NTM: variants seen among roughly 807,000 people sequenced by gnomAD.
NTM encodes neurotrimin, also known as IgLON family member 2.
In NTM, 13 loss-of-function variants were observed where a neutral mutation model predicts 42.1. That is an observed-to-expected ratio of 0.31 (90% CI 0.20 to 0.49). The LOEUF (loss-of-function observed/expected upper bound fraction) is 0.49, where lower values mean the gene tolerates loss of function less well. Among genes scored for constraint, NTM ranks in the 20% least tolerant of loss-of-function variants. The pLI is 0.99. For synonymous variants in NTM, 187 were observed against 179.2 expected (o/e 1.04, Z -0.35); for missense variants, 373 against 452.8 (o/e 0.82, Z 1.60).
At chr11:131,684,782 GCAAGATA>G (rs2073591653) in intron 1 of NTM, among the ~76,000 whole-genome samples, 1 of 152,236 alleles carries the variant, frequency 6.6e-6, no homozygotes, top group Admixed American at 6.5e-5. Flanking sequence ...GATGACCCGT[GCAAGATA>G]CAGGCTGGGC....
At chr11:131,761,377 C>T (rs1157564604) in intron 1 of NTM, among the ~76,000 whole-genome samples, 1 of 152,140 alleles carries the variant, frequency 6.6e-6, no homozygotes, top group African/African-American at 2.4e-5. Flanking sequence ...ATATCCCCCT[C>T]CCCAAATTCC....
At chr11:131,821,326 G>T (rs141518838) in intron 1 of NTM, among the ~76,000 whole-genome samples, 544 of 152,282 alleles carry the variant, frequency 3.6e-3, no homozygotes, top group African/African-American at 0.012. Flanking sequence ...GTCATGACCT[G>T]CTCTTTCTTG....
chr11:131,401,313 A>T (rs776680644), intron 1 of NTM, among the ~76,000 whole-genome samples: 6 of 152,088 alleles, frequency 3.9e-5, no homozygotes, highest in Non-Finnish European at 7.3e-5. Context: ...TTCATGGTAG[A>T]CTATTGGGAA....
chr11:132,176,633 G>A (rs996157623), intron 3 of NTM, among the ~76,000 whole-genome samples: 2 of 149,350 alleles, frequency 1.3e-5, no homozygotes, highest in African/African-American at 4.9e-5. Flanking sequence ...TGCTTGACAT[G>A]TGTTATTATA....
chr11:132,251,741 T>C (rs1407613976), intron 4 of NTM, among the ~76,000 whole-genome samples: 1 of 152,220 alleles, frequency 6.6e-6, no homozygotes, highest in Non-Finnish European at 1.5e-5. Context: ...CCTCGGTGTG[T>C]ATTTTGCTGG....
intron 1 of NTM, among the ~76,000 whole-genome samples, chr11:131,586,113 C>CT (rs141108452): frequency 0.063 from 9,453 of 151,114 alleles, 330 homozygotes; most frequent in South Asian, 0.11. Flanking sequence ...TTAGTTTTTC[C>CT]TTTTTTTTTG....
rs1433630321 is a variant in NTM at position 131,370,662 on chromosome 11, C to G, written c.-145C>G. On this transcript the variant is annotated 5_prime_UTR_variant, in exon 1 of 9. Coordinates refer to ENST00000683400, the MANE Select transcript of NTM (RefSeq NM_001352005.2). Reference sequence around the variant, plus strand: ...CGGAGAAGTCATACTCTCTCACACCCTCGGCTTTCTTGTTGTGTCCTTCAG... The same window carrying G: ...CGGAGAAGTCATACTCTCTCACACCGTCGGCTTTCTTGTTGTGTCCTTCAG... 5 of 659,536 alleles carry G rather than the reference C, an allele frequency of 7.6e-6. No individual in the cohort carries two copies. In the East Asian group the frequency reaches 1.1e-4, roughly 14 times the overall value. 40.9% of individuals were successfully genotyped at this position (659,536 alleles called of 1,614,324 possible). A position where few individuals can be genotyped will look rare whatever the true frequency, so the allele number is the denominator to read the frequency against.
intron 3 of NTM, among the ~76,000 whole-genome samples, chr11:132,162,795 GTGTT>G (rs2074607364): frequency 6.6e-6 from 1 of 151,412 alleles, no homozygotes; most frequent in East Asian, 1.9e-4. Context: ...GTGTGTGTGT[GTGTT>G]TGTATAGGGA....
chr11:131,392,376 G>A lies in NTM; in HGVS notation c.82+21488G>A, dbSNP rs543382212. Among the ~76,000 whole-genome samples, 3 of 151,516 alleles carry A rather than the reference G, an allele frequency of 2.0e-5. No homozygotes were observed. The East Asian group carries it at 5.8e-4, about 29-fold the overall frequency. Reference sequence around the variant, plus strand: ...TGTGTGCAACCACAGAGCCCCTGAAGGGATGGGAGTCCTGTGTGCAACCAT... The same window carrying A: ...TGTGTGCAACCACAGAGCCCCTGAAAGGATGGGAGTCCTGTGTGCAACCAT... On this transcript the variant is annotated intron_variant, in intron 1 of 8. Coordinates refer to ENST00000683400, the MANE Select transcript of NTM (RefSeq NM_001352005.2).
intron 1 of NTM, among the ~76,000 whole-genome samples, chr11:131,443,355 G>A (rs1295675371): frequency 6.6e-6 from 1 of 152,124 alleles, no homozygotes; most frequent in Admixed American, 6.5e-5. Flanking sequence ...AGAATGCCTG[G>A]GTGTATGGTT....
chr11:132,186,626 G>C (rs1006443109), intron 3 of NTM, among the ~76,000 whole-genome samples: 1 of 152,226 alleles, frequency 6.6e-6, no homozygotes, highest in African/African-American at 2.4e-5. Context: ...TTCAGGTCAT[G>C]GCATTGCAGC....
chr11:131,642,922 C>T (rs1204264805), intron 1 of NTM, among the ~76,000 whole-genome samples: 2 of 152,138 alleles, frequency 1.3e-5, no homozygotes, highest in African/African-American at 4.8e-5. Context: ...TTAATATAGG[C>T]TCTTCAGCAT....
chr11:131,785,699 C>T (rs1526563), intron 1 of NTM, among the ~76,000 whole-genome samples: 3 of 152,168 alleles, frequency 2.0e-5, no homozygotes, highest in African/African-American at 7.2e-5. Context: ...AGAGGTGAGA[C>T]TAAGATAGAG....
intron 7 of NTM, 115 bp downstream of exon 7, chr11:132,314,818 GGAGAGGGAGGAAAAAAAA>G: frequency 2.2e-6 from 3 of 1,391,364 alleles, no homozygotes; most frequent in African/African-American, 2.9e-5. Flanking sequence ...CAGTGGACAT[GGAGAGGGAGGAAAAAAAA>G]GAGAGAGACA....
chr11:131,541,852 C>T (rs536783365), intron 1 of NTM, among the ~76,000 whole-genome samples: 7 of 152,360 alleles, frequency 4.6e-5, no homozygotes, highest in African/African-American at 1.4e-4. Context: ...GTCATTTCCT[C>T]TCTCCCCTAC....
chr11:131,522,726 C>T (rs1412707927), intron 1 of NTM, among the ~76,000 whole-genome samples: 2 of 152,348 alleles, frequency 1.3e-5, no homozygotes, highest in South Asian at 4.1e-4. Flanking sequence ...CCTGACTCCA[C>T]TCAGTGCTTT....
intron 1 of NTM, among the ~76,000 whole-genome samples, chr11:131,376,905 G>A (rs540838640): frequency 5.9e-5 from 9 of 152,070 alleles, no homozygotes; most frequent in Admixed American, 2.0e-4. Context: ...TACTACGTTC[G>A]GTGCACTGTT....
chr11:131,511,745 T>C (rs1382014444), intron 1 of NTM, among the ~76,000 whole-genome samples: 2 of 152,228 alleles, frequency 1.3e-5, no homozygotes, highest in African/African-American at 2.4e-5. Flanking sequence ...TTTCTGTGCA[T>C]ACTGCTAAAT....
At chr11:131,650,959 C>T (rs2066407796) in intron 1 of NTM, among the ~76,000 whole-genome samples, 1 of 152,156 alleles carries the variant, frequency 6.6e-6, no homozygotes, top group Admixed American at 6.6e-5. Context: ...TAAATTTAAT[C>T]TATTGACCAA....
Sources: gnomAD v4.1 joint callset for allele counts (sites outside exome capture counted in the v4.1 genomes callset) on GRCh38, gnomAD v4.1.1 for gene constraint, MANE v1.5 for transcripts, NCBI Gene and HGNC (gene_info 2026-07-23, HGNC 2026-07-21) for gene names.